Variants in ZNF676 observed in about 807,000 individuals in gnomAD.
ZNF676 encodes the protein zinc finger protein 676.
ZNF676 carries 4 observed loss-of-function variants against 6.0 expected under a neutral mutation model. The ratio of observed to expected loss-of-function variants is 0.67; its 90% CI spans 0.33 to 1.53. The LOEUF is 1.53. Ranked by LOEUF, ZNF676 falls within the 40% of genes most tolerant of loss-of-function variation. The probability of loss-of-function intolerance (pLI) is 0.06; values close to 1 mark genes in which losing one functional copy is unlikely to be tolerated. For missense variants in ZNF676, 644 were observed against 679.7 expected (o/e 0.95, Z 0.58); for synonymous variants, 198 against 223.1 (o/e 0.89, Z 1.00).
At chr19:22,201,322 T>C (rs1292464120), upstream of ZNF676, among the ~76,000 whole-genome samples, 1 of 152,076 alleles carries the variant, frequency 6.6e-6, no homozygotes, top group Non-Finnish European at 1.5e-5. Context: ...ATGTGAAAGG[T>C]CAAAAGGCCA....
At chr19:22,192,688 TGGAGTA>T (rs1381201062) in intron 2 of ZNF676, among the ~76,000 whole-genome samples, 1 of 151,702 alleles carries the variant, frequency 6.6e-6, no homozygotes, top group Non-Finnish European at 1.5e-5. Flanking sequence ...TAGTTTAACA[TGGAGTA>T]CCTTAAAATT....
chr19:22,188,514 A>C (rs1232694530), intron 2 of ZNF676, among the ~76,000 whole-genome samples: 1 of 152,182 alleles, frequency 6.6e-6, no homozygotes, highest in Non-Finnish European at 1.5e-5. Flanking sequence ...TGGTGAGGGC[A>C]ATCAGGCAAG....
the ZNF676 span, among the ~76,000 whole-genome samples, chr19:22,245,514 C>A: frequency 2.0e-5 from 2 of 102,412 alleles, no homozygotes; most frequent in Admixed American, 2.1e-4. Flanking sequence ...GCCCCCCCCC[C>A]CACCCCCAAT....
At chr19:22,199,550 TAA>T (rs974408215), upstream of ZNF676, among the ~76,000 whole-genome samples, 2 of 152,252 alleles carry the variant, frequency 1.3e-5, no homozygotes, top group African/African-American at 4.8e-5. Flanking sequence ...CAGTTGATAC[TAA>T]GTGTTCAATA....
chr19:22,255,706 G>C, the ZNF676 span, among the ~76,000 whole-genome samples: 1 of 151,936 alleles, frequency 6.6e-6, no homozygotes, highest in Non-Finnish European at 1.5e-5. Flanking sequence ...TTAGCCAGGC[G>C]TGGTGGCGGG....
chr19:22,254,141 GA>G, the ZNF676 span, among the ~76,000 whole-genome samples: 10 of 152,306 alleles, frequency 6.6e-5, no homozygotes, highest in Admixed American at 5.9e-4. Context: ...CCTGAGGTCA[GA>G]AACCAGGCAG....
At chr19:22,192,882 A>T (rs1375732399) in intron 2 of ZNF676, 134 bp downstream of exon 2, 1 of 1,009,976 alleles carries the variant, frequency 9.9e-7, no homozygotes, top group Non-Finnish European at 1.4e-6. Flanking sequence ...AGAGAAAATT[A>T]AAAAATAAAA....
intron 1 of ZNF676, among the ~76,000 whole-genome samples, chr19:22,194,286 C>A (rs2023944039): frequency 1.3e-5 from 2 of 152,120 alleles, no homozygotes; most frequent in African/African-American, 4.8e-5. Flanking sequence ...ATCCCTAATG[C>A]CCCTGCTGCA....
intron 1 of ZNF676, 96 bp downstream of exon 1, chr19:22,196,504 T>G: frequency 1.2e-6 from 2 of 1,601,082 alleles, no homozygotes; most frequent in South Asian, 2.2e-5. Flanking sequence ...TTGTCTGTAT[T>G]CTCGCATTCA....
At chr19:22,248,262 C>A in the ZNF676 span, among the ~76,000 whole-genome samples, 1 of 152,114 alleles carries the variant, frequency 6.6e-6, no homozygotes, top group African/African-American at 2.4e-5. Context: ...GGTATATACC[C>A]AGTAATGGGA....
the ZNF676 span, among the ~76,000 whole-genome samples, chr19:22,242,851 G>A: frequency 2.7e-4 from 41 of 151,466 alleles, no homozygotes; most frequent in African/African-American, 1.0e-3. Flanking sequence ...GTTGGGGGGG[G>A]GCTCTCATGA....
upstream of ZNF676, among the ~76,000 whole-genome samples, chr19:22,216,900 A>G (rs1410147659): frequency 1.3e-5 from 2 of 149,822 alleles, no homozygotes; most frequent in African/African-American, 2.5e-5. Flanking sequence ...AAGCCACTGC[A>G]CTCCATTCTG....
At chr19:22,230,682 G>A in the ZNF676 span, among the ~76,000 whole-genome samples, 10 of 150,414 alleles carry the variant, frequency 6.6e-5, no homozygotes, top group East Asian at 2.0e-4. Context: ...TTTTTGAGCC[G>A]AGTTTTACTC....
At chr19:22,225,890 G>A in the ZNF676 span, among the ~76,000 whole-genome samples, 6 of 151,930 alleles carry the variant, frequency 3.9e-5, no homozygotes, top group Non-Finnish European at 7.4e-5. Flanking sequence ...TTCCTAAGTG[G>A]CATTGTCACT....
the ZNF676 span, among the ~76,000 whole-genome samples, chr19:22,240,259 A>G: frequency 6.6e-6 from 1 of 151,908 alleles, no homozygotes; most frequent in Admixed American, 6.5e-5. Context: ...GTGATAAGTT[A>G]CTATTTATCT....
At chr19:22,188,334 C>T (rs2023864730) in intron 2 of ZNF676, among the ~76,000 whole-genome samples, 1 of 151,998 alleles carries the variant, frequency 6.6e-6, no homozygotes, top group Non-Finnish European at 1.5e-5. Context: ...AAAACTCTCA[C>T]TAAACTAGGT....
the ZNF676 span, among the ~76,000 whole-genome samples, chr19:22,241,982 G>T: frequency 1.6e-4 from 24 of 151,970 alleles, no homozygotes; most frequent in African/African-American, 5.6e-4. Flanking sequence ...TCTGTGTGCT[G>T]GGCCTGTGAT....
At chr19:22,189,023 C>CAAA (rs56866226) in intron 2 of ZNF676, among the ~76,000 whole-genome samples, 3 of 149,892 alleles carry the variant, frequency 2.0e-5, no homozygotes, top group African/African-American at 4.9e-5. Context: ...CATATGGAAC[C>CAAA]AAAAAAAAAA....
At chr19:22,185,603 C>G (rs1328002731) in intron 2 of ZNF676, among the ~76,000 whole-genome samples, 1 of 151,954 alleles carries the variant, frequency 6.6e-6, no homozygotes, top group African/African-American at 2.4e-5. Flanking sequence ...GGAGCGTGTT[C>G]TAACCCAATG....
Sources: allele counts gnomAD v4.1 joint callset (sites outside exome capture counted in the v4.1 genomes callset), GRCh38; gene constraint gnomAD v4.1.1; transcripts MANE v1.5; gene names NCBI Gene and HGNC (gene_info 2026-07-23, HGNC 2026-07-21).